PLXNA2: variants seen among roughly 807,000 people sequenced by gnomAD.
PLXNA2 encodes plexin A2, also known as plexin-A2.
Under a neutral mutation model 193.5 loss-of-function variants are expected in PLXNA2, and 91 were observed. The ratio of observed to expected loss-of-function variants is 0.47; its 90% CI spans 0.40 to 0.56. The LOEUF (loss-of-function observed/expected upper bound fraction) is 0.56. Among genes scored for constraint, PLXNA2 ranks in the 20% least tolerant of loss-of-function variants. The pLI is 0.00. For synonymous variants in PLXNA2, 997 were observed against 1,027.3 expected (o/e 0.97, Z 0.56); for missense variants, 1,995 against 2,503.2 (o/e 0.80, Z 4.33).
At chr1:208,065,581 A>G (rs955887538) in intron 12 of PLXNA2, among the ~76,000 whole-genome samples, 1 of 152,202 alleles carries the variant, frequency 6.6e-6, no homozygotes, top group Non-Finnish European at 1.5e-5. Context: ...ATGGGATGTT[A>G]GAATTGGCAG....
At chr1:208,097,859 C>T (rs1666953275) in intron 6 of PLXNA2, among the ~76,000 whole-genome samples, 1 of 151,570 alleles carries the variant, frequency 6.6e-6, no homozygotes, top group Non-Finnish European at 1.5e-5. Flanking sequence ...GGTAGGTTTC[C>T]CTTTGTTTTA....
chr1:208,075,325 AT>A (rs1666114090), intron 12 of PLXNA2, among the ~76,000 whole-genome samples: 9 of 151,760 alleles, frequency 5.9e-5, no homozygotes. Context: ...AAAAAAAATA[AT>A]AAGAAAAGAA....
At chr1:208,116,810 C>T (rs1667651557) in intron 4 of PLXNA2, among the ~76,000 whole-genome samples, 1 of 152,134 alleles carries the variant, frequency 6.6e-6, no homozygotes, top group South Asian at 2.1e-4. Context: ...AGAGTAGATT[C>T]TCAAGATTCA....
At position 208,028,876 on chromosome 1, in the gene PLXNA2, G is replaced by T. The variant is rs928965371; in HGVS notation, c.5392C>A (p.Leu1798Met). 1 of 1,614,184 alleles carries T rather than the reference G, an allele frequency of 6.2e-7. No homozygotes were observed. Among genetic ancestry groups the T allele is most frequent in the Admixed American group, 1.7e-5 (1 of 60,032 alleles). Residue 1798 changes from leucine (L) to methionine (M), a missense_variant, in exon 30 of 32, where the codon CTG (leucine) becomes ATG (methionine). Leu to Met is a conservative substitution (Grantham distance 15, BLOSUM62 2). Around this residue, in one of 3 missense-constraint regions of PLXNA2, gnomAD observed 1,291 missense variants for 1,673.6 expected, o/e 0.77. Coordinates refer to ENST00000367033, the MANE Select transcript of PLXNA2 (RefSeq NM_025179.4). The surrounding 1 kb of genome is among the most constrained non-coding windows in gnomAD (Gnocchi z 4.2). ...CTGGGGATGTCCTTGGCATAGAGCA[G>T]CTTGTTGGAGGGGGAGTCCTTGCCC... is the stretch of plus-strand genomic sequence containing the variant. Reference protein sequence around the residue: ...RLGKDSPSNKLLYAKDIPSYK... With the variant: ...RLGKDSPSNKMLYAKDIPSYK...
chr1:208,095,931 C>A, intron 8 of PLXNA2, 98 bp downstream of exon 8: 1 of 894,346 alleles, frequency 1.1e-6, no homozygotes, highest in Non-Finnish European at 1.9e-6. Flanking sequence ...GAGGTGACTA[C>A]AACGTGGTTC....
intron 3 of PLXNA2, among the ~76,000 whole-genome samples, chr1:208,197,662 A>C (rs1670403678): frequency 6.6e-6 from 1 of 152,206 alleles, no homozygotes; most frequent in Non-Finnish European, 1.5e-5. Flanking sequence ...AGCTTAGGGT[A>C]TGAGGAAAAT....
rs550128753 is a variant in PLXNA2, at chr1:208,238,480, T to G, written c.-81+5163A>C. 1.9e-3 allele frequency among the ~76,000 whole-genome samples: 286 copies of G among 152,296 alleles called. 1 individual carries two copies. The highest frequency in any genetic ancestry group is 6.5e-3 in the African/African-American group (269 of 41,566). ...GAACTATCAAGGGATGCTATCAGAT[T>G]GGAAGAGACGGGGCTAAGCTCTCTG... On this transcript the variant is annotated intron_variant, in intron 1 of 31. Transcript: ENST00000367033.
At chr1:208,084,297 G>A in intron 10 of PLXNA2, 83 bp downstream of exon 10, 1 of 1,440,566 alleles carries the variant, frequency 6.9e-7, no homozygotes, top group South Asian at 1.2e-5. Flanking sequence ...GGCTCCGGAA[G>A]CCAGGGCTGG....
At chr1:208,131,503 G>C (rs1282785186) in intron 4 of PLXNA2, among the ~76,000 whole-genome samples, 1 of 152,172 alleles carries the variant, frequency 6.6e-6, no homozygotes, top group Non-Finnish European at 1.5e-5. Context: ...AGCGCTCCTG[G>C]AAGGAGCTGA....
chr1:208,230,697 A>G (rs1456022446), intron 1 of PLXNA2, among the ~76,000 whole-genome samples: 2 of 152,186 alleles, frequency 1.3e-5, no homozygotes, highest in African/African-American at 4.8e-5. Context: ...CCTTCCAATA[A>G]AAAAGCTTTA....
intron 3 of PLXNA2, among the ~76,000 whole-genome samples, chr1:208,204,602 G>A (rs1366590749): frequency 6.6e-6 from 1 of 152,176 alleles, no homozygotes; most frequent in Non-Finnish European, 1.5e-5. Context: ...AGGAGTCACC[G>A]TTGGTGTCTG....
chr1:208,186,014 C>T (rs1037427127), intron 3 of PLXNA2, among the ~76,000 whole-genome samples: 2 of 152,094 alleles, frequency 1.3e-5, no homozygotes, highest in Non-Finnish European at 2.9e-5. Flanking sequence ...GAAGAAACAC[C>T]AGTGTACACG....
intron 4 of PLXNA2, among the ~76,000 whole-genome samples, chr1:208,105,380 G>A (rs1225157066): frequency 6.6e-6 from 1 of 152,224 alleles, no homozygotes; most frequent in Admixed American, 6.5e-5. Flanking sequence ...AGCAGTCAAG[G>A]TGACATTCGT....
At chr1:208,105,115 C>A (rs1291262137) in intron 4 of PLXNA2, among the ~76,000 whole-genome samples, 2 of 152,230 alleles carry the variant, frequency 1.3e-5, no homozygotes, top group African/African-American at 4.8e-5. Context: ...GTCTCCGCAG[C>A]CTGCCCTAGG....
chr1:208,175,492 C>A (rs1158645883), intron 3 of PLXNA2, among the ~76,000 whole-genome samples: 1 of 152,224 alleles, frequency 6.6e-6, no homozygotes, highest in East Asian at 1.9e-4. Context: ...GAGATAGAGG[C>A]TACCTGGCCT....
intron 3 of PLXNA2, among the ~76,000 whole-genome samples, chr1:208,180,387 GC>G (rs2102546139): frequency 6.6e-6 from 1 of 152,244 alleles, no homozygotes; most frequent in South Asian, 2.1e-4. Flanking sequence ...GGGAGCAGGG[GC>G]AGAAGGCAGA....
At chr1:208,169,665 C>A (rs1025270137) in intron 3 of PLXNA2, among the ~76,000 whole-genome samples, 3 of 152,126 alleles carry the variant, frequency 2.0e-5, no homozygotes, top group African/African-American at 7.2e-5. Flanking sequence ...AAGATTGGGG[C>A]AGAAGAAAAG....
chr1:208,086,990 TGAGA>T (rs57506358), intron 9 of PLXNA2, among the ~76,000 whole-genome samples: 57,809 of 138,278 alleles, frequency 0.42, 11,938 homozygotes, highest in African/African-American at 0.47. Context: ...TGTGTGTGTG[TGAGA>T]GAGAGAGAGA....
At chr1:208,117,248 C>T (rs1277796704) in intron 4 of PLXNA2, among the ~76,000 whole-genome samples, 1 of 151,940 alleles carries the variant, frequency 6.6e-6, no homozygotes, top group Non-Finnish European at 1.5e-5. Flanking sequence ...AAGGCTGAAA[C>T]CTAACCACCC....
Sources: allele counts gnomAD v4.1 joint callset (sites outside exome capture counted in the v4.1 genomes callset), GRCh38; gene constraint gnomAD v4.1.1; regional missense constraint gnomAD v4.1.1; non-coding constraint Gnocchi (gnomAD v3.1); transcripts MANE v1.5; gene names NCBI Gene and HGNC (gene_info 2026-07-23, HGNC 2026-07-21).